PDE4D: variants seen among roughly 807,000 people sequenced by gnomAD.
PDE4D encodes the protein phosphodiesterase 4D.
PDE4D carries 24 observed loss-of-function variants against 87.4 expected under a neutral mutation model. The ratio of observed to expected loss-of-function variants is 0.27; its 90% CI spans 0.20 to 0.39. The LOEUF (loss-of-function observed/expected upper bound fraction) is 0.39. Among genes scored for constraint, PDE4D ranks in the 10% least tolerant of loss-of-function variants. PDE4D has a pLI of 1.00. For missense variants in PDE4D, 714 were observed against 1,041.0 expected (o/e 0.69, Z 4.32); for synonymous variants, 384 against 383.2 (o/e 1.00, Z -0.02).
chr5:59,553,779 A>G (rs543211807), intron 1 of PDE4D, among the ~76,000 whole-genome samples: 9 of 152,346 alleles, frequency 5.9e-5, no homozygotes, highest in African/African-American at 2.2e-4. Context: ...AGGAACGAGT[A>G]TAGTAAACTA....
intron 1 of PDE4D, among the ~76,000 whole-genome samples, chr5:59,409,337 T>A (rs1792258826): frequency 6.6e-6 from 1 of 152,150 alleles, no homozygotes; most frequent in Admixed American, 6.5e-5. Flanking sequence ...TCTGGGAGAC[T>A]GTTGAGAAGA....
rs894464885 is a variant in PDE4D, at chr5:59,572,567, G to A, written c.455+320601C>T. On this transcript the variant is annotated intron_variant, in intron 1 of 14. Transcript: ENST00000340635. The stretch of plus-strand genomic sequence containing the variant: ...GCTATCTGGGCTCACTGCAAGCTCC[G>A]CCTCCCGGGTTCACGCCATTCTCCT... Among the ~76,000 whole-genome samples the A allele has an allele frequency of 2.0e-5, 3 of 152,186 alleles. No homozygotes were observed. In the East Asian group the frequency reaches 5.8e-4, roughly 29 times the overall value.
At chr5:59,548,906 G>A (rs1340597129) in intron 1 of PDE4D, among the ~76,000 whole-genome samples, 1 of 152,080 alleles carries the variant, frequency 6.6e-6, no homozygotes, top group Non-Finnish European at 1.5e-5. Flanking sequence ...TGAGGGAACT[G>A]GGCATATTTG....
At chr5:60,208,074 CA>C (rs1241374436) in intron 1 of PDE4D, among the ~76,000 whole-genome samples, 1 of 151,952 alleles carries the variant, frequency 6.6e-6, no homozygotes, top group East Asian at 1.9e-4. Flanking sequence ...CAGCAGTGAA[CA>C]AAAAGAAAAA....
At chr5:59,960,805 T>C (rs1192287746) in intron 3 of PDE4D, among the ~76,000 whole-genome samples, 1 of 152,120 alleles carries the variant, frequency 6.6e-6, no homozygotes, top group East Asian at 1.9e-4. Flanking sequence ...AACCTCAGCA[T>C]CATGCAATAT....
chr5:59,981,857 T>A (rs1161468988), intron 3 of PDE4D, among the ~76,000 whole-genome samples: 1 of 152,204 alleles, frequency 6.6e-6, no homozygotes, highest in Non-Finnish European at 1.5e-5. Flanking sequence ...TTTCCTTTTT[T>A]ATTTTCTGTT....
At chr5:59,754,154 AC>A (rs1346226859) in intron 1 of PDE4D, among the ~76,000 whole-genome samples, 2 of 151,806 alleles carry the variant, frequency 1.3e-5, no homozygotes, top group African/African-American at 4.8e-5. Flanking sequence ...ACATGGTGAA[AC>A]CCCCTCTCTA....
chr5:59,542,199 T>C (rs1443874667), intron 1 of PDE4D, among the ~76,000 whole-genome samples: 1 of 152,138 alleles, frequency 6.6e-6, no homozygotes, highest in African/African-American at 2.4e-5. Flanking sequence ...CTGATTTCTT[T>C]TCCAGTCCCT....
At chr5:59,766,523 A>C (rs1317238860) in intron 1 of PDE4D, among the ~76,000 whole-genome samples, 1 of 152,094 alleles carries the variant, frequency 6.6e-6, no homozygotes, top group Non-Finnish European at 1.5e-5. Context: ...CTCCAGCTGA[A>C]CTCTAGGTTG....
chr5:59,252,192 C>A (rs949281227), intron 1 of PDE4D, among the ~76,000 whole-genome samples: 2 of 152,058 alleles, frequency 1.3e-5, no homozygotes, highest in African/African-American at 4.8e-5. Context: ...AAAAAAAGAA[C>A]CTGTGAAATG....
At chr5:59,792,006 T>C (rs1765848416) in intron 1 of PDE4D, among the ~76,000 whole-genome samples, 1 of 152,208 alleles carries the variant, frequency 6.6e-6, no homozygotes. Context: ...TAGGATACAA[T>C]GTGTGGCTCC....
At chr5:59,229,386 T>A (rs553745318) in intron 1 of PDE4D, among the ~76,000 whole-genome samples, 1 of 152,300 alleles carries the variant, frequency 6.6e-6, no homozygotes, top group Admixed American at 6.5e-5. Context: ...AAGAAATAGG[T>A]TAATGAGATT....
At chr5:59,957,760 CAA>C (rs1759008406) in intron 3 of PDE4D, among the ~76,000 whole-genome samples, 1 of 151,982 alleles carries the variant, frequency 6.6e-6, no homozygotes, top group African/African-American at 2.4e-5. Context: ...AGATTTTGCT[CAA>C]GAGAGTGTGA....
intron 1 of PDE4D, among the ~76,000 whole-genome samples, chr5:59,273,716 A>C (rs1253927345): frequency 3.9e-5 from 6 of 152,184 alleles, no homozygotes; most frequent in Admixed American, 3.9e-4. Context: ...AAATGGAAAA[A>C]TACACACATT....
intron 1 of PDE4D, among the ~76,000 whole-genome samples, chr5:59,826,502 C>T (rs982976766): frequency 6.2e-5 from 8 of 128,656 alleles, no homozygotes; most frequent in Non-Finnish European, 3.3e-5. Context: ...GTTGGAAAAT[C>T]GAGAACTTTT....
rs531706771 is a variant in PDE4D at position 59,826,113 on chromosome 5, C to T, written c.455+67055G>A. Among the ~76,000 whole-genome samples, 6 of 152,268 alleles carry T rather than the reference C, an allele frequency of 3.9e-5. No individual in the cohort carries two copies. In the South Asian group the frequency reaches 8.3e-4, roughly 21 times the overall value. On this transcript the variant is annotated intron_variant, in intron 1 of 14. Transcript: ENST00000340635. ...GGAAAGAATTTGTGTTTTTCTGTTA[C>T]AAATTCAGAGACTAAGGAACATGGG...
chr5:60,151,662 A>G (rs983924383), intron 2 of PDE4D, among the ~76,000 whole-genome samples: 1 of 152,190 alleles, frequency 6.6e-6, no homozygotes, highest in African/African-American at 2.4e-5. Context: ...AGGGTTTTCT[A>G]CATATAAGAT....
chr5:60,145,337 T>C (rs999027013), intron 2 of PDE4D, among the ~76,000 whole-genome samples: 11 of 152,228 alleles, frequency 7.2e-5, no homozygotes, highest in Non-Finnish European at 7.3e-5. Context: ...TGACAAGCTG[T>C]ATGTTTATTT....
Position 60,405,704 on chromosome 5 carries a change from C to T in PDE4D, c.-90+82238G>A, listed in dbSNP as rs148708845. On this transcript the variant is annotated intron_variant, in intron 1 of 16. Transcript: ENST00000502484. ...AAAGGAATATTTGCTGGGTATAAAG[C>T]AGATACTTCTACTGAGTATAAGCCA... 6.5e-3 allele frequency among the ~76,000 whole-genome samples: 988 copies of T among 152,314 alleles called. 9 individuals carry two copies. The highest frequency in any genetic ancestry group is 0.022 in the African/African-American group (932 of 41,570).
Sources: allele counts gnomAD v4.1 joint callset (sites outside exome capture counted in the v4.1 genomes callset), GRCh38; gene constraint gnomAD v4.1.1; transcripts MANE v1.5; gene names NCBI Gene and HGNC (gene_info 2026-07-23, HGNC 2026-07-21).